PDE8A: variants seen among roughly 807,000 people sequenced by gnomAD.
PDE8A encodes high affinity cAMP-specific and IBMX-insensitive 3',5'-cyclic phosphodiesterase 8A.
In PDE8A, 59 loss-of-function variants were observed where a neutral mutation model predicts 105.0. That is an observed-to-expected ratio of 0.56 (90% confidence interval 0.46 to 0.70). The LOEUF is 0.70. PDE8A is among the 30% of genes least tolerant of loss of function. PDE8A has a pLI of 0.00. For missense variants in PDE8A, 1,014 were observed against 1,045.9 expected (o/e 0.97, Z 0.42); for synonymous variants, 355 against 371.9 (o/e 0.95, Z 0.52).
At chr15:85,047,038 G>C (rs771369619) in intron 1 of PDE8A, among the ~76,000 whole-genome samples, 28 of 152,038 alleles carry the variant, frequency 1.8e-4, no homozygotes, top group Non-Finnish European at 7.4e-5. Flanking sequence ...GATTAAGAAC[G>C]TGTATAATTA....
intron 8 of PDE8A, chr15:85,097,654 G>A: frequency 3.5e-6 from 1 of 289,652 alleles, no homozygotes; most frequent in Non-Finnish European, 6.4e-6. Context: ...AGAGGAGGAA[G>A]TAAGGGGGAG....
intron 1 of PDE8A, among the ~76,000 whole-genome samples, chr15:85,036,692 GACCAAGAAAAGCCAGCTGAGGCACT>G (rs1277348079): frequency 2.0e-5 from 3 of 152,100 alleles, no homozygotes; most frequent in African/African-American, 7.2e-5. Context: ...AAGGAGAAAG[GACCAAGAAAAGCCAGCTGAGGCACT>G]GCCTCAGCTG....
chr15:85,105,825 C>T (rs560259659), intron 11 of PDE8A, among the ~76,000 whole-genome samples: 2 of 152,228 alleles, frequency 1.3e-5, no homozygotes, highest in East Asian at 1.9e-4. Flanking sequence ...AGGCCCTGGG[C>T]GCAGCACGCC....
chr15:85,007,063 CAGTT>C (rs1339716190), intron 1 of PDE8A, among the ~76,000 whole-genome samples: 1 of 152,082 alleles, frequency 6.6e-6, no homozygotes, highest in African/African-American at 2.4e-5. Context: ...GAAAGATAGA[CAGTT>C]AGATTGATCT....
intron 1 of PDE8A, among the ~76,000 whole-genome samples, chr15:84,984,622 T>A (rs988236904): frequency 6.6e-6 from 1 of 152,180 alleles, no homozygotes; most frequent in African/African-American, 2.4e-5. Flanking sequence ...GGTGGGAGAT[T>A]GATAACTAAT....
chr15:85,117,517 C>A, intron 16 of PDE8A, 124 bp from the exon 17 acceptor site: 1 of 792,766 alleles, frequency 1.3e-6, no homozygotes, highest in Non-Finnish European at 2.1e-6. Context: ...CCAGCACAGC[C>A]CAAGCAATCT....
chr15:85,015,395 T>C (rs2080308510), intron 1 of PDE8A, among the ~76,000 whole-genome samples: 2 of 152,062 alleles, frequency 1.3e-5, no homozygotes, highest in Admixed American at 1.3e-4. Context: ...TTTGTAAAGA[T>C]GGAGTCTCAC....
intron 1 of PDE8A, among the ~76,000 whole-genome samples, chr15:85,003,485 A>AG (rs1408713360): frequency 6.6e-6 from 1 of 152,180 alleles, no homozygotes; most frequent in Non-Finnish European, 1.5e-5. Flanking sequence ...AGTTGCAATG[A>AG]GGGGGAGCGC....
chr15:85,067,175 T>C lies in PDE8A; in HGVS notation c.405T>C (p.Pro135=). 1 of 1,613,912 alleles carries C rather than the reference T, an allele frequency of 6.2e-7. No individual in the cohort carries two copies. Among genetic ancestry groups the C allele is most frequent in the Non-Finnish European group, 8.5e-7 (1 of 1,179,892 alleles). ...HDIIIIDHRN[P]RQLDAEALCR... The stretch of plus-strand genomic sequence containing the variant: ...TTATCATCATAGACCACAGAAATCC[T>C]CGACAGCTGGATGCAGAGGCACTGT... Residue 135 remains proline, a synonymous_variant, in exon 3 of 22, where the codon CCT becomes CCC. Transcript: ENST00000394553.
intron 18 of PDE8A, 93 bp from the exon 19 acceptor site, chr15:85,122,968 G>A: frequency 1.6e-6 from 2 of 1,285,558 alleles, no homozygotes; most frequent in Non-Finnish European, 1.1e-6. Flanking sequence ...TAGCTGCAGA[G>A]GACACATACC....
At chr15:85,063,237 A>G (rs1335905941) in intron 1 of PDE8A, 2 of 152,226 alleles carry the variant, frequency 1.3e-5, no homozygotes, top group African/African-American at 4.8e-5. Flanking sequence ...AAACTTCGTA[A>G]TGTGTTTACT....
intron 3 of PDE8A, among the ~76,000 whole-genome samples, chr15:85,071,608 G>A (rs138334346): frequency 6.6e-6 from 1 of 152,338 alleles, no homozygotes; most frequent in East Asian, 1.9e-4. Context: ...GCAGACCTGT[G>A]CATGCCTGCT....
At chr15:85,067,918 C>A (rs1022572015) in intron 3 of PDE8A, among the ~76,000 whole-genome samples, 3 of 151,772 alleles carry the variant, frequency 2.0e-5, no homozygotes, top group Non-Finnish European at 4.4e-5. Flanking sequence ...AGCGTTTACC[C>A]TTCCATGACT....
intron 20 of PDE8A, among the ~76,000 whole-genome samples, chr15:85,127,750 G>A (rs996001375): frequency 2.0e-5 from 3 of 151,926 alleles, no homozygotes; most frequent in Admixed American, 2.0e-4. Context: ...TACCCAAATT[G>A]GTGTTTCAAT....
At chr15:85,047,786 G>A (rs576874043) in intron 1 of PDE8A, among the ~76,000 whole-genome samples, 1 of 152,290 alleles carries the variant, frequency 6.6e-6, no homozygotes, top group South Asian at 2.1e-4. Flanking sequence ...TAGGAGGGAT[G>A]AGCCTTTTGC....
At chr15:85,113,484 A>G in intron 13 of PDE8A, 37 bp downstream of exon 13, 1 of 1,517,400 alleles carries the variant, frequency 6.6e-7, no homozygotes, top group Non-Finnish European at 9.2e-7. Context: ...TTGAGCACAC[A>G]TACTCCTTGT....
At position 84,998,846 on chromosome 15, in the gene PDE8A, C is replaced by G. The variant is rs902886817; in HGVS notation, c.186+16498C>G. ...GAAGTCAGGGTTAAAACCTGTGGGC[C>G]AGCAGTATTTTCAAAAGGCACAGAA... On this transcript the variant is annotated intron_variant, in intron 1 of 21. Transcript: ENST00000394553. Among the ~76,000 whole-genome samples the G allele has an allele frequency of 9.9e-5, 15 of 152,048 alleles. 1 individual carries two copies. Among genetic ancestry groups the G allele is most frequent in the Admixed American group, 7.9e-4 (12 of 15,256 alleles).
At chr15:85,001,661 C>T (rs1463884733) in intron 1 of PDE8A, among the ~76,000 whole-genome samples, 4 of 152,256 alleles carry the variant, frequency 2.6e-5, no homozygotes, top group African/African-American at 4.8e-5. Context: ...CACCTGAAGA[C>T]GTCATTACAA....
At chr15:84,990,154 C>T (rs1348048578) in intron 1 of PDE8A, among the ~76,000 whole-genome samples, 1 of 151,960 alleles carries the variant, frequency 6.6e-6, no homozygotes, top group Non-Finnish European at 1.5e-5. Flanking sequence ...TGTTCGAGAC[C>T]AGCCTGGGCA....
Sources: allele counts gnomAD v4.1 joint callset (sites outside exome capture counted in the v4.1 genomes callset), GRCh38; gene constraint gnomAD v4.1.1; transcripts MANE v1.5; gene names NCBI Gene and HGNC (gene_info 2026-07-23, HGNC 2026-07-21).